Variants in ABCC5 observed in about 807,000 individuals in gnomAD.
The protein encoded by ABCC5 is ATP binding cassette subfamily C member 5, also known as ATP-binding cassette sub-family C member 5.
In ABCC5, 61 loss-of-function variants were observed where a neutral mutation model predicts 160.9. That is an observed-to-expected ratio of 0.38 (90% confidence interval 0.31 to 0.47). The LOEUF (loss-of-function observed/expected upper bound fraction) is 0.47, where lower values mean the gene tolerates loss of function less well. Ranked by LOEUF, ABCC5 falls within the 20% of genes least tolerant of loss-of-function variation. The pLI is 0.99. For missense variants in ABCC5, 1,308 were observed against 1,813.3 expected (o/e 0.72, Z 5.06); for synonymous variants, 666 against 700.6 (o/e 0.95, Z 0.78).
intron 1 of ABCC5, among the ~76,000 whole-genome samples, 166 bp from the exon 2 acceptor site, chr3:184,014,613 T>C (rs1722043995): frequency 6.6e-6 from 1 of 151,392 alleles, no homozygotes; most frequent in Non-Finnish European, 1.5e-5. Context: ...AAGATTTTGA[T>C]TTCATTTTTT....
chr3:184,004,172 C>T (rs960790122), intron 2 of ABCC5, among the ~76,000 whole-genome samples: 1 of 150,336 alleles, frequency 6.7e-6, no homozygotes, highest in Non-Finnish European at 1.5e-5. Context: ...TGGTCTTTTG[C>T]ATTTGACAAA....
rs145536424 is a variant in ABCC5, at chr3:184,004,824, A to T, written c.129+9440T>A. Reference sequence around the variant, plus strand: ...AGTTAACAGGATTCTTAAAAAAGCCAAACAATTATAAGCATTTATTGTAAC... The same window carrying T: ...AGTTAACAGGATTCTTAAAAAAGCCTAACAATTATAAGCATTTATTGTAAC... On this transcript the variant is annotated intron_variant, in intron 2 of 29. Coordinates refer to ENST00000334444, the MANE Select transcript of ABCC5 (RefSeq NM_005688.4). Among the ~76,000 whole-genome samples, 901 of 152,370 alleles carry T rather than the reference A, an allele frequency of 5.9e-3. 10 individuals are homozygous for T. The highest frequency in any genetic ancestry group is 0.021 in the African/African-American group (864 of 41,578).
chr3:183,933,166 A>C (rs1302025457), intron 26 of ABCC5, among the ~76,000 whole-genome samples: 2 of 73,718 alleles, frequency 2.7e-5, no homozygotes, highest in African/African-American at 1.2e-4. Context: ...AGACTGTCTC[A>C]AAAAAAAAAA....
Position 183,936,581 on chromosome 3 carries a change from C to T in ABCC5, c.3854+1320G>A, listed in dbSNP as rs186647954. Among the ~76,000 whole-genome samples the T allele has an allele frequency of 1.5e-3, 235 of 151,832 alleles. 2 individuals are homozygous for T. The highest frequency in any genetic ancestry group is 5.0e-3 in the African/African-American group (208 of 41,284). On this transcript the variant is annotated intron_variant, in intron 26 of 29. Coordinates refer to ENST00000334444, the MANE Select transcript of ABCC5 (RefSeq NM_005688.4). Reference sequence around the variant, plus strand: ...ACAGTGCAGTGGCATGATCTCAGCTCACTGCAAGCTCTGCCTCCCGGGTTC... The same window carrying T: ...ACAGTGCAGTGGCATGATCTCAGCTTACTGCAAGCTCTGCCTCCCGGGTTC...
chr3:183,967,666 G>C, intron 12 of ABCC5, 29 bp downstream of exon 12: 1 of 1,584,518 alleles, frequency 6.3e-7, no homozygotes, highest in South Asian at 1.1e-5. Context: ...AGAGAAAGCA[G>C]CAGAAAAGGA....
Position 183,988,014 on chromosome 3 carries a change from C to T in ABCC5, c.444-97G>A, listed in dbSNP as rs1178499316. ...CACTTTTTGTCTCCAGGTTTTGCCA[C>T]CACTCACACAAGTCTCTCCTTTAAA... On this transcript the variant is annotated intron_variant, in intron 4 of 29. Coordinates refer to ENST00000334444, the MANE Select transcript of ABCC5 (RefSeq NM_005688.4). The surrounding 1 kb of genome is among the most constrained non-coding windows in gnomAD (Gnocchi z 4.4). 3.7e-6 allele frequency: 5 copies of T among 1,357,214 alleles called. No individual in the cohort carries two copies. The South Asian group carries it at 6.4e-5, about 17-fold the overall frequency. The allele number at this position is 1,357,214 out of a possible 1,614,324, so 84.1% of individuals were successfully genotyped here. A position where few individuals can be genotyped will look rare whatever the true frequency, so the allele number is the denominator to read the frequency against.
rs771605970 is a variant in ABCC5 at position 183,971,853 on chromosome 3, C to T, written c.1471G>A (p.Glu491Lys). The T allele has an allele frequency of 1.4e-5, 22 of 1,614,162 alleles. No homozygotes were observed. In the South Asian group the frequency reaches 2.0e-4, roughly 15 times the overall value. ...CATGCCAAGGTGGCATTTTTCATCT[C>T]TATCTTGATGTGAGGACTGGCTGGT... ...NKPASPHIKIEMKNATLAWDS... is the reference protein window; with the variant it reads ...NKPASPHIKIKMKNATLAWDS... The change falls in exon 11 of 30, where the codon GAG becomes AAG. Residue 491 changes from glutamate (E) to lysine (K), a missense_variant. Physicochemically the swap from Glu to Lys is moderately conservative, Grantham distance 56. This residue lies in a region of ABCC5 where 1,142 missense variants were observed against 1,527.1 expected (regional missense o/e 0.75). Coordinates refer to ENST00000334444, the MANE Select transcript of ABCC5 (RefSeq NM_005688.4).
At chr3:183,997,925 G>A (rs185102342) in intron 2 of ABCC5, among the ~76,000 whole-genome samples, 1 of 152,050 alleles carries the variant, frequency 6.6e-6, no homozygotes. Context: ...GGGACTACAG[G>A]CATGCACTAC....
intron 10 of ABCC5, among the ~76,000 whole-genome samples, chr3:183,976,959 G>A (rs1323790488): frequency 6.6e-6 from 1 of 152,088 alleles, no homozygotes; most frequent in Non-Finnish European, 1.5e-5. Context: ...ACACAGCCAA[G>A]GTATGATCAA....
chr3:183,978,230 A>G (rs151211117), intron 9 of ABCC5, among the ~76,000 whole-genome samples: 107 of 152,308 alleles, frequency 7.0e-4, no homozygotes, highest in Non-Finnish European at 1.2e-3. Context: ...GCTTAATCCC[A>G]TGAATGAAAA....
chr3:183,956,172 ACATGCAGATCCGTGTGTAAATCACATCG>A (rs1258017220), intron 17 of ABCC5, among the ~76,000 whole-genome samples: 21 of 144,544 alleles, frequency 1.5e-4, no homozygotes, highest in African/African-American at 4.9e-4. Context: ...CACATCGGTT[ACATGCAGATCCGTGTGTAAATCACATCG>A]GTTACATGCA....
chr3:183,967,654 C>A (rs1388543121), intron 12 of ABCC5, 41 bp downstream of exon 12: 14 of 1,554,746 alleles, frequency 9.0e-6, no homozygotes, highest in Non-Finnish European at 1.2e-5. Context: ...CTCTTGCAAA[C>A]CAGAGAAAGC....
chr3:183,933,419 G>T (rs1056604529), intron 26 of ABCC5, among the ~76,000 whole-genome samples: 1 of 152,146 alleles, frequency 6.6e-6, no homozygotes, highest in African/African-American at 2.4e-5. Context: ...AGCTGCGGGG[G>T]ATAGGACAGA....
chr3:183,921,523 C>T lies in ABCC5; in HGVS notation c.4213-122G>A, dbSNP rs888881343. ...TAGAATCTGGGGACAATTCAACTAG[C>T]CCTGCGTGCACCTCCCCCCTTATTT... On this transcript the variant is annotated intron_variant, in intron 29 of 29. Coordinates refer to ENST00000334444, the MANE Select transcript of ABCC5 (RefSeq NM_005688.4). The surrounding 1 kb of genome is among the most constrained non-coding windows in gnomAD (Gnocchi z 4.1). 8.3e-6 allele frequency: 6 copies of T among 718,780 alleles called. No homozygotes were observed. The African/African-American group carries it at 1.1e-4, about 13-fold the overall frequency. 44.5% of individuals were successfully genotyped at this position (718,780 alleles called of 1,614,324 possible).
At chr3:183,991,108 A>G (rs1050734494) in intron 2 of ABCC5, among the ~76,000 whole-genome samples, 21 of 152,048 alleles carry the variant, frequency 1.4e-4, no homozygotes, top group Admixed American at 8.5e-4. Flanking sequence ...CCTGGGCAAC[A>G]CAGCAACACA....
intron 25 of ABCC5, among the ~76,000 whole-genome samples, chr3:183,939,189 T>C (rs552871620): frequency 6.6e-6 from 1 of 152,300 alleles, no homozygotes; most frequent in East Asian, 1.9e-4. Flanking sequence ...TCCCAGCACT[T>C]TGGGAGGCTG....
At position 183,971,756 on chromosome 3, in the gene ABCC5, G is replaced by T; in HGVS notation, c.1568C>A (p.Ser523Tyr). 6.2e-7 allele frequency: 1 copy of T among 1,614,194 alleles called. No homozygotes were observed. The highest frequency in any genetic ancestry group is 8.5e-7 in the Non-Finnish European group (1 of 1,180,034). ...TPKMKKDKRA[S>Y]RGKKEKVRQL... Reference sequence around the variant, plus strand: ...CCTCACCTTCTCTTTCTTGCCCCTGGAAGCCCTCTTGTCTTTTTTCATTTT... The same window carrying T: ...CCTCACCTTCTCTTTCTTGCCCCTGTAAGCCCTCTTGTCTTTTTTCATTTT... The change falls in exon 11 of 30, where the codon TCC becomes TAC. Residue 523 changes from serine (S) to tyrosine (Y), a missense_variant. Ser to Tyr is a moderately radical substitution (Grantham distance 144, BLOSUM62 -2). Transcript: ENST00000334444.
intron 28 of ABCC5, 121 bp from the exon 29 acceptor site, chr3:183,925,840 CT>C (rs1208671884): frequency 0.18 from 122,890 of 692,788 alleles, 1 homozygote; most frequent in South Asian, 0.22. Context: ...TCTTTTCTTT[CT>C]TTTTTTTTTT....
Position 183,959,781 on chromosome 3 carries a change from G to A in ABCC5, c.2434C>T (p.Pro812Ser), listed in dbSNP as rs1716555715. 6.2e-7 allele frequency: 1 copy of A among 1,612,570 alleles called. No individual in the cohort carries two copies. The highest frequency in any genetic ancestry group is 8.5e-7 in the Non-Finnish European group (1 of 1,179,388). ...TCCTTCTTTACTGATCCTGTTTTAGGACCCTTGTCTTGTGACTTCTTCTGT... is the reference window on the plus strand; with the variant it reads ...TCCTTCTTTACTGATCCTGTTTTAGAACCCTTGTCTTGTGACTTCTTCTGT... Reference protein sequence around the residue: ...GSQKKSQDKGPKTGSVKKEKA... With the variant: ...GSQKKSQDKGSKTGSVKKEKA... The change falls in exon 17 of 30, where the codon CCT becomes TCT. Residue 812 changes from proline (P) to serine (S), a missense_variant. Transcript: ENST00000334444.
Sources: gnomAD v4.1 joint callset for allele counts (sites outside exome capture counted in the v4.1 genomes callset) on GRCh38, gnomAD v4.1.1 for gene constraint, gnomAD v4.1.1 regional missense constraint, Gnocchi (gnomAD v3.1) non-coding constraint, MANE v1.5 for transcripts, NCBI Gene and HGNC (gene_info 2026-07-23, HGNC 2026-07-21) for gene names.